Variants in ZMYND11 observed in about 807,000 individuals in gnomAD.
ZMYND11 encodes the protein zinc finger MYND domain-containing protein 11.
ZMYND11 carries 9 observed loss-of-function variants against 84.9 expected under a neutral mutation model. The ratio of observed to expected loss-of-function variants is 0.11; its 90% CI spans 0.06 to 0.18. The LOEUF is 0.18. Ranked by LOEUF, ZMYND11 falls within the 10% of genes least tolerant of loss-of-function variation. ZMYND11 has a pLI of 1.00. For missense variants in ZMYND11, 409 were observed against 761.0 expected (o/e 0.54, Z 5.44); for synonymous variants, 250 against 244.1 (o/e 1.02, Z -0.23).
chr10:147,448 A>G (rs1396733886), intron 1 of ZMYND11, among the ~76,000 whole-genome samples: 1 of 152,006 alleles, frequency 6.6e-6, no homozygotes, highest in African/African-American at 2.4e-5. Flanking sequence ...TTTAAAAGTA[A>G]ACAGTTTTAT....
At chr10:158,935 TATTCCAA>T (rs1307319265) in intron 1 of ZMYND11, among the ~76,000 whole-genome samples, 1 of 151,450 alleles carries the variant, frequency 6.6e-6, no homozygotes, top group African/African-American at 2.4e-5. Context: ...GTAATAATTT[TATTCCAA>T]ATAGAACTTC....
At chr10:198,076 C>G (rs534405523) in intron 2 of ZMYND11, 118 of 468,528 alleles carry the variant, frequency 2.5e-4, no homozygotes, top group African/African-American at 2.1e-3. Flanking sequence ...AAGATTCAAG[C>G]AAGCTGTAAA....
intron 4 of ZMYND11, among the ~76,000 whole-genome samples, chr10:229,286 G>A (rs1253693737): frequency 6.6e-6 from 1 of 152,216 alleles, no homozygotes; most frequent in African/African-American, 2.4e-5. Flanking sequence ...AGTGGCCTGT[G>A]ACTGGAGTCT....
At chr10:248,736 T>C (rs1206749059) in intron 13 of ZMYND11, 128 bp downstream of exon 13, 5 of 1,396,700 alleles carry the variant, frequency 3.6e-6, no homozygotes, top group Non-Finnish European at 4.7e-6. Flanking sequence ...CCAGTATCTT[T>C]TACAGCATTT....
chr10:216,247 G>A (rs536147454), intron 3 of ZMYND11, among the ~76,000 whole-genome samples: 1 of 152,224 alleles, frequency 6.6e-6, no homozygotes, highest in Non-Finnish European at 1.5e-5. Context: ...ATTAAGTGAG[G>A]CTAAATTCAA....
In ZMYND11 at chr10:253,590, G is replaced by A. The variant is rs1018481660; in HGVS notation, c.*1120G>A. ...GAAGCATTACCAATAGGAATGGATC[G>A]ATAGTTGAATAATGATTTTTTATAC... On this transcript the variant is annotated 3_prime_UTR_variant, in exon 15 of 15. Transcript: ENST00000381604. 1 of 152,598 alleles carries A rather than the reference G, an allele frequency of 6.6e-6. No homozygotes were observed. The highest frequency in any genetic ancestry group is 6.5e-5 in the Admixed American group (1 of 15,272). The allele number at this position is 152,598 out of a possible 1,614,324, so 9.5% of individuals were successfully genotyped here. A position where few individuals can be genotyped will look rare whatever the true frequency, so the allele number is the denominator to read the frequency against.
upstream of ZMYND11, chr10:134,569 C>T (rs1415988029): frequency 6.6e-6 from 1 of 152,236 alleles, no homozygotes; most frequent in Non-Finnish European, 1.5e-5. Flanking sequence ...CTTAGCGTAT[C>T]CCTACCGCTC....
chr10:206,541 C>G lies in ZMYND11; in HGVS notation c.117-3348C>G, dbSNP rs1318310413. On this transcript the variant is annotated intron_variant, in intron 2 of 14. Transcript: ENST00000381604. ...TGTTTGCATTATAACTATGCTCTGT[C>G]TTTTTTAAGAATGATTTTTGCCTTG... is the stretch of plus-strand genomic sequence containing the variant. Among the ~76,000 whole-genome samples, 4 of 152,182 alleles carry G rather than the reference C, an allele frequency of 2.6e-5. No individual in the cohort carries two copies. The South Asian group carries it at 6.2e-4, about 24-fold the overall frequency.
chr10:240,134 T>TA, intron 8 of ZMYND11, 23 bp downstream of exon 8: 1 of 1,547,566 alleles, frequency 6.5e-7, no homozygotes, highest in South Asian at 1.2e-5. Context: ...GCCCAATAGT[T>TA]ATACTCTTTC....
At chr10:216,819 T>G (rs1589025322) in intron 3 of ZMYND11, among the ~76,000 whole-genome samples, 1 of 152,318 alleles carries the variant, frequency 6.6e-6, no homozygotes, top group East Asian at 1.9e-4. Context: ...TTGTTTTTTC[T>G]TTTTCCTTCT....
chr10:186,878 A>AT (rs1938707184), intron 2 of ZMYND11, among the ~76,000 whole-genome samples: 1 of 152,010 alleles, frequency 6.6e-6, no homozygotes. Context: ...AGTTGTCACA[A>AT]TATCTCCCCA....
chr10:171,545 C>T (rs1047142695), intron 1 of ZMYND11, among the ~76,000 whole-genome samples: 6 of 152,164 alleles, frequency 3.9e-5, no homozygotes, highest in African/African-American at 7.2e-5. Flanking sequence ...TAAACACACA[C>T]TTCTGAATAA....
intron 1 of ZMYND11, among the ~76,000 whole-genome samples, chr10:175,054 A>G (rs1373772082): frequency 6.6e-6 from 1 of 152,330 alleles, no homozygotes; most frequent in African/African-American, 2.4e-5. Context: ...GTCAGAACCC[A>G]TGGAATGTAC....
At chr10:169,374 TA>T (rs1408162324) in intron 1 of ZMYND11, among the ~76,000 whole-genome samples, 1 of 152,082 alleles carries the variant, frequency 6.6e-6, no homozygotes, top group Non-Finnish European at 1.5e-5. Flanking sequence ...ACCCAGTACA[TA>T]ACGTTGACCT....
chr10:206,726 T>G (rs1428627598), intron 2 of ZMYND11, among the ~76,000 whole-genome samples: 1 of 152,180 alleles, frequency 6.6e-6, no homozygotes, highest in Non-Finnish European at 1.5e-5. Flanking sequence ...ACATGTCTGG[T>G]TTTGGTCTTC....
At chr10:190,252 T>C (rs1939985153) in intron 2 of ZMYND11, among the ~76,000 whole-genome samples, 1 of 152,198 alleles carries the variant, frequency 6.6e-6, no homozygotes, top group South Asian at 2.1e-4. Flanking sequence ...TCTCTGTTTC[T>C]TCCCATCGTT....
intron 4 of ZMYND11, among the ~76,000 whole-genome samples, chr10:232,248 G>A (rs990123971): frequency 4.6e-5 from 7 of 152,200 alleles, no homozygotes; most frequent in East Asian, 1.9e-4. Flanking sequence ...GCACTTCAGC[G>A]TGAACGCCAC....
In ZMYND11 at chr10:195,759, T is replaced by C. The variant is rs147749322; in HGVS notation, c.117-14130T>C. ...GAGTGCCACCAGGATGGGCACATTC[T>C]AGGGGCTTTTGTCAGAGTTGGTTTC... On this transcript the variant is annotated intron_variant, in intron 2 of 14. Coordinates refer to ENST00000381604, the MANE Select transcript of ZMYND11 (RefSeq NM_001370100.5). 1.1e-3 allele frequency among the ~76,000 whole-genome samples: 175 copies of C among 152,354 alleles called. 2 individuals carry two copies. In the East Asian group the frequency reaches 0.025, roughly 22 times the overall value.
In ZMYND11 at chr10:160,366, A is replaced by G. The variant is rs537464510; in HGVS notation, c.-19-19628A>G. On this transcript the variant is annotated intron_variant, in intron 1 of 14. Transcript: ENST00000381604. ...AATGTTAACAATCATCTGAGCCTTC[A>G]GGGAATTGTGGTCTTTTTGCTGGTG... Among the ~76,000 whole-genome samples, 6 of 152,354 alleles carry G rather than the reference A, an allele frequency of 3.9e-5. No homozygotes were observed. In the South Asian group the frequency reaches 8.3e-4, roughly 21 times the overall value.
Sources: gnomAD v4.1 joint callset for allele counts (sites outside exome capture counted in the v4.1 genomes callset) on GRCh38, gnomAD v4.1.1 for gene constraint, MANE v1.5 for transcripts, NCBI Gene and HGNC (gene_info 2026-07-23, HGNC 2026-07-21) for gene names.